Variants in DGKB observed in about 807,000 individuals in gnomAD.
The protein encoded by DGKB is diacylglycerol kinase beta, also known as 90 kDa diacylglycerol kinase.
A neutral mutation model predicts 114.3 loss-of-function variants in DGKB; 67 were observed. That is an observed-to-expected ratio of 0.59 (90% CI 0.48 to 0.72). The LOEUF (loss-of-function observed/expected upper bound fraction) is 0.72. DGKB is among the 30% of genes least tolerant of loss of function. DGKB has a pLI of 0.00. For missense variants in DGKB, 907 were observed against 975.2 expected, an observed-to-expected ratio of 0.93 and a Z score of 0.93; for synonymous variants, 398 against 323.1, an observed-to-expected ratio of 1.23 and a Z score of -2.49.
chr7:14,639,044 T>C (rs1484519497), intron 13 of DGKB, among the ~76,000 whole-genome samples: 2 of 149,688 alleles, frequency 1.3e-5, no homozygotes, highest in African/African-American at 5.0e-5. Flanking sequence ...ATCTCAAAAA[T>C]AAATAAATAA....
chr7:14,687,371 T>C (rs1397873259), intron 9 of DGKB, among the ~76,000 whole-genome samples: 2 of 152,172 alleles, frequency 1.3e-5, no homozygotes, highest in Non-Finnish European at 2.9e-5. Flanking sequence ...GCTACGCAGG[T>C]GTCATACAGA....
chr7:14,409,850 T>C (rs1583719236), intron 21 of DGKB, among the ~76,000 whole-genome samples: 1 of 152,270 alleles, frequency 6.6e-6, no homozygotes, highest in East Asian at 1.9e-4. Context: ...AAATGTATTT[T>C]CTCCTCCTTA....
At chr7:14,864,813 G>T (rs1303618010) in intron 1 of DGKB, among the ~76,000 whole-genome samples, 5 of 152,036 alleles carry the variant, frequency 3.3e-5, no homozygotes, top group Non-Finnish European at 7.4e-5. Flanking sequence ...AAAAATATGG[G>T]GCTAGAAGCC....
intron 21 of DGKB, among the ~76,000 whole-genome samples, chr7:14,372,910 C>A (rs1386916217): frequency 2.0e-5 from 3 of 152,112 alleles, no homozygotes; most frequent in African/African-American, 4.8e-5. Context: ...TCAATGCAAT[C>A]TGACAAATAT....
chr7:14,451,490 C>G (rs1274529033), intron 21 of DGKB, among the ~76,000 whole-genome samples: 1 of 151,632 alleles, frequency 6.6e-6, no homozygotes. Context: ...GATCTTGCAG[C>G]TTCTTAGCCT....
chr7:14,177,972 T>A, intron 24 of DGKB, 59 bp downstream of exon 24: 5 of 1,473,088 alleles, frequency 3.4e-6, no homozygotes, highest in Non-Finnish European at 4.5e-6. Context: ...TGCATACTTT[T>A]AATTAGTTTG....
intron 20 of DGKB, among the ~76,000 whole-genome samples, chr7:14,481,925 A>C (rs1783045277): frequency 6.6e-6 from 1 of 152,128 alleles, no homozygotes; most frequent in African/African-American, 2.4e-5. Context: ...TACTTCAAAA[A>C]GTTTTGTCAA....
At chr7:14,494,446 C>A (rs1785018196) in intron 20 of DGKB, among the ~76,000 whole-genome samples, 1 of 151,730 alleles carries the variant, frequency 6.6e-6, no homozygotes. Context: ...GTGACCCTAC[C>A]CACCAAAAGA....
chr7:14,872,145 T>C lies in DGKB; in HGVS notation c.-188+30447A>G, dbSNP rs191825251. ...ATCATAAGTCATCTCTAGGGTTTAA[T>C]AAGAACCTGTCATATATTAATCTGT... On this transcript the variant is annotated intron_variant, in intron 1 of 25. Coordinates refer to ENST00000402815, the MANE Select transcript of DGKB (RefSeq NM_001350709.2). 1.3e-3 allele frequency among the ~76,000 whole-genome samples: 203 copies of C among 152,318 alleles called. 1 individual carries two copies. Among genetic ancestry groups the C allele is most frequent in the Non-Finnish European group, 2.1e-3 (143 of 68,016 alleles).
At chr7:14,427,884 T>C (rs994184732) in intron 21 of DGKB, among the ~76,000 whole-genome samples, 1 of 152,114 alleles carries the variant, frequency 6.6e-6, no homozygotes, top group Non-Finnish European at 1.5e-5. Flanking sequence ...TAGAATACAT[T>C]TGGCCCTATA....
chr7:14,806,255 TC>T (rs1266135473), intron 2 of DGKB, among the ~76,000 whole-genome samples: 1 of 152,064 alleles, frequency 6.6e-6, no homozygotes, highest in Non-Finnish European at 1.5e-5. Flanking sequence ...ATATTCTTCA[TC>T]CAATTGATAT....
chr7:14,368,419 A>G (rs1049181544), intron 21 of DGKB, among the ~76,000 whole-genome samples: 17 of 152,182 alleles, frequency 1.1e-4, no homozygotes, highest in African/African-American at 3.6e-4. Context: ...CAAATGAGAT[A>G]TAGGTAAAGT....
At chr7:14,821,867 C>G (rs572375443) in intron 2 of DGKB, among the ~76,000 whole-genome samples, 19 of 152,262 alleles carry the variant, frequency 1.2e-4, no homozygotes, top group African/African-American at 4.3e-4. Flanking sequence ...AGACTGGTGA[C>G]TGAGCTTACA....
chr7:14,174,195 G>A (rs1180643301), intron 25 of DGKB, among the ~76,000 whole-genome samples: 1 of 152,182 alleles, frequency 6.6e-6, no homozygotes, highest in Non-Finnish European at 1.5e-5. Flanking sequence ...TTCACAGTAA[G>A]GAGCAGAGAT....
At chr7:14,698,299 T>C (rs1194949602) in intron 7 of DGKB, 130 bp from the exon 8 acceptor site, 14 of 576,728 alleles carry the variant, frequency 2.4e-5, no homozygotes, top group Non-Finnish European at 4.3e-5. Context: ...AATATATATA[T>C]GTACATAATC....
chr7:14,680,794 T>C (rs73680180), intron 12 of DGKB, among the ~76,000 whole-genome samples: 7,472 of 151,940 alleles, frequency 0.049, 317 homozygotes, highest in African/African-American at 0.11. Flanking sequence ...TCTAACAGCT[T>C]TGAAAGCTTT....
chr7:14,442,452 A>G (rs1219799449), intron 21 of DGKB, among the ~76,000 whole-genome samples: 1 of 151,992 alleles, frequency 6.6e-6, no homozygotes. Flanking sequence ...CAAATATCTA[A>G]TTTTGTTTAC....
intron 23 of DGKB, chr7:14,191,424 G>GA (rs2128273128): frequency 6.0e-6 from 1 of 167,084 alleles, no homozygotes; most frequent in Admixed American, 6.4e-5. Flanking sequence ...TCAAGGGATG[G>GA]AAAATCACCT....
chr7:14,170,179 A>AAGAAAGAAAGAAAGAAAGAAAGAAAG (rs1390642754), intron 25 of DGKB, among the ~76,000 whole-genome samples: 9 of 146,606 alleles, frequency 6.1e-5, no homozygotes, highest in Admixed American at 1.3e-4. Flanking sequence ...GAAAGAAAGA[A>AAGAAAGAAAGAAAGAAAGAAAGAAAG]AGAAAGAAAG....
Sources: gnomAD v4.1 joint callset for allele counts (sites outside exome capture counted in the v4.1 genomes callset) on GRCh38, gnomAD v4.1.1 for gene constraint, MANE v1.5 for transcripts, NCBI Gene and HGNC (gene_info 2026-07-23, HGNC 2026-07-21) for gene names.